Variants in WDR41 observed in about 807,000 individuals in gnomAD.
The protein encoded by WDR41 is WD repeat domain 41.
Under a neutral mutation model 69.3 loss-of-function variants are expected in WDR41, and 63 were observed. The observed-to-expected ratio is 0.91, with a 90% CI of 0.74 to 1.12. The LOEUF (loss-of-function observed/expected upper bound fraction) is 1.12, where lower values mean the gene tolerates loss of function less well. Among genes scored for constraint, WDR41 ranks in the 50% most tolerant of loss-of-function variants. The pLI, the probability that WDR41 is intolerant of heterozygous loss-of-function variation, is 0.00. For synonymous variants in WDR41, 185 were observed against 192.1 expected (o/e 0.96, Z 0.31); for missense variants, 543 against 534.5 (o/e 1.02, Z -0.16).
chr5:77,495,818 G>A (rs1277779269), upstream of WDR41, among the ~76,000 whole-genome samples: 2 of 151,640 alleles, frequency 1.3e-5, no homozygotes, highest in Non-Finnish European at 2.9e-5. Context: ...CACAAAAAGA[G>A]AAAATTATAG....
chr5:77,436,390 A>T lies in WDR41; in HGVS notation c.1098T>A (p.Phe366Leu), dbSNP rs1561724438. 1 of 1,613,718 alleles carries T rather than the reference A, an allele frequency of 6.2e-7. No individual in the cohort carries two copies. Among genetic ancestry groups the T allele is most frequent in the East Asian group, 2.2e-5 (1 of 44,864 alleles). ...CTCTTCCAAATCCCCACATGTTAAA[A>T]AAACCTAGAAAAAGAATCATTTCCA... ...QLAAEPVPTG[F>L]FNMWGFGRVS... The change falls in exon 12 of 13, where the codon TTT becomes TTA. Residue 366 changes from phenylalanine (F) to leucine (L), a missense_variant. Phe to Leu is a conservative substitution (Grantham distance 22). Coordinates refer to ENST00000296679, the MANE Select transcript of WDR41 (RefSeq NM_018268.4).
At chr5:77,443,115 AG>A (rs1799241944) in intron 8 of WDR41, among the ~76,000 whole-genome samples, 1 of 152,040 alleles carries the variant, frequency 6.6e-6, no homozygotes, top group Non-Finnish European at 1.5e-5. Flanking sequence ...GGTGGTCTTT[AG>A]GAAGTAGTTT....
intron 1 of WDR41, among the ~76,000 whole-genome samples, chr5:77,502,227 C>G (rs1354094583): frequency 6.6e-6 from 1 of 151,984 alleles, no homozygotes; most frequent in Non-Finnish European, 1.5e-5. Context: ...GACACATACA[C>G]AAGCTTCAAT....
chr5:77,580,561 T>G (rs566738687), intron 1 of WDR41, among the ~76,000 whole-genome samples: 1 of 135,342 alleles, frequency 7.4e-6, no homozygotes, highest in African/African-American at 2.9e-5. Context: ...TACAAGAAAA[T>G]ATAGTGAAAA....
chr5:77,574,246 C>T (rs1452121907), intron 1 of WDR41, among the ~76,000 whole-genome samples: 2 of 151,866 alleles, frequency 1.3e-5, no homozygotes, highest in Non-Finnish European at 2.9e-5. Flanking sequence ...TGCAGTGAGC[C>T]GAGATCGCAC....
At chr5:77,592,476 G>T (rs1371075522) in intron 1 of WDR41, among the ~76,000 whole-genome samples, 1 of 151,994 alleles carries the variant, frequency 6.6e-6, no homozygotes, top group African/African-American at 2.4e-5. Context: ...CTTATTATTT[G>T]TGTCGGCAGA....
chr5:77,609,058 C>T (rs779508729), intron 1 of WDR41, among the ~76,000 whole-genome samples: 3 of 152,148 alleles, frequency 2.0e-5, no homozygotes, highest in Non-Finnish European at 4.4e-5. Flanking sequence ...ATTGCTAGCA[C>T]AGCAGTCTGA....
chr5:77,518,532 T>C (rs1443258825), intron 1 of WDR41, among the ~76,000 whole-genome samples: 3 of 152,130 alleles, frequency 2.0e-5, no homozygotes, highest in African/African-American at 7.2e-5. Context: ...CCAGGTGGCA[T>C]TATAGCCTTG....
At chr5:77,442,349 T>C (rs1799198318) in intron 8 of WDR41, among the ~76,000 whole-genome samples, 1 of 152,118 alleles carries the variant, frequency 6.6e-6, no homozygotes, top group Non-Finnish European at 1.5e-5. Flanking sequence ...AATTAAGTTA[T>C]AAAAGTATGC....
At chr5:77,590,981 G>A (rs955482315) in intron 1 of WDR41, among the ~76,000 whole-genome samples, 1 of 152,008 alleles carries the variant, frequency 6.6e-6, no homozygotes, top group Non-Finnish European at 1.5e-5. Context: ...AATATTAATG[G>A]AAATAAATGT....
intron 2 of WDR41, among the ~76,000 whole-genome samples, chr5:77,475,320 T>A (rs1800856454): frequency 6.6e-6 from 1 of 152,106 alleles, no homozygotes; most frequent in African/African-American, 2.4e-5. Context: ...CCACCACAGC[T>A]CAAGGAGGCC....
intron 1 of WDR41, among the ~76,000 whole-genome samples, chr5:77,541,240 C>G (rs1194537105): frequency 6.6e-6 from 1 of 152,042 alleles, no homozygotes; most frequent in Non-Finnish European, 1.5e-5. Flanking sequence ...CTACAAGGAA[C>G]TTAAACAAAT....
intron 2 of WDR41, among the ~76,000 whole-genome samples, chr5:77,469,440 A>G (rs1447603889): frequency 6.6e-6 from 1 of 152,190 alleles, no homozygotes; most frequent in East Asian, 1.9e-4. Context: ...GTTGTCATCT[A>G]ACATGCACCT....
At chr5:77,486,713 C>T (rs1561199844) in intron 2 of WDR41, among the ~76,000 whole-genome samples, 1 of 152,146 alleles carries the variant, frequency 6.6e-6, no homozygotes, top group African/African-American at 2.4e-5. Context: ...ATGAACCAGC[C>T]AGCCCCCGCC....
At chr5:77,526,366 A>G (rs575065266) in intron 1 of WDR41, among the ~76,000 whole-genome samples, 2 of 152,120 alleles carry the variant, frequency 1.3e-5, no homozygotes, top group African/African-American at 4.8e-5. Flanking sequence ...TGATCCCTTA[A>G]TATCATCTAA....
At chr5:77,446,885 G>A (rs1799407040) in intron 8 of WDR41, among the ~76,000 whole-genome samples, 1 of 152,142 alleles carries the variant, frequency 6.6e-6, no homozygotes, top group South Asian at 2.1e-4. Context: ...TGACAAAGAT[G>A]CCAAAAGCAA....
At chr5:77,566,645 C>T (rs572212343) in intron 1 of WDR41, among the ~76,000 whole-genome samples, 23 of 152,128 alleles carry the variant, frequency 1.5e-4, no homozygotes, top group Non-Finnish European at 2.2e-4. Flanking sequence ...TACATATGCA[C>T]GCTTGTGTGG....
chr5:77,616,753 C>G (rs1744687754), intron 1 of WDR41, among the ~76,000 whole-genome samples: 1 of 152,100 alleles, frequency 6.6e-6, no homozygotes. Flanking sequence ...GATAAAAAGC[C>G]TTCTTTGGTT....
At chr5:77,528,458 G>A (rs1484795791) in intron 1 of WDR41, among the ~76,000 whole-genome samples, 2 of 151,754 alleles carry the variant, frequency 1.3e-5, no homozygotes, top group East Asian at 3.9e-4. Flanking sequence ...AACAGTCAAG[G>A]AAGAAATAAT....
Sources: gnomAD v4.1 joint callset for allele counts (sites outside exome capture counted in the v4.1 genomes callset) on GRCh38, gnomAD v4.1.1 for gene constraint, MANE v1.5 for transcripts, NCBI Gene and HGNC (gene_info 2026-07-23, HGNC 2026-07-21) for gene names.